The following ALOXE3 variants were observed in gnomAD, a reference collection of about 807,000 sequenced individuals.
ALOXE3 encodes hydroperoxide isomerase ALOXE3.
ALOXE3 carries 78 observed loss-of-function variants against 87.5 expected under a neutral mutation model. The ratio of observed to expected loss-of-function variants is 0.89; its 90% confidence interval spans 0.74 to 1.08. The LOEUF (loss-of-function observed/expected upper bound fraction) is 1.08. Ranked by LOEUF, ALOXE3 falls within the 50% of genes least tolerant of loss-of-function variation. ALOXE3 has a pLI of 0.00. For missense variants in ALOXE3, 946 were observed against 912.4 expected (o/e 1.04, Z -0.47); for synonymous variants, 363 against 370.8 (o/e 0.98, Z 0.24).
chr17:8,097,940 G>A (rs973343211), intron 15 of ALOXE3, among the ~76,000 whole-genome samples: 4 of 151,672 alleles, frequency 2.6e-5, no homozygotes, highest in African/African-American at 4.8e-5. Flanking sequence ...GTAGAGACAG[G>A]GTTTCACCGT....
At chr17:8,105,405 A>G (rs1979224130) in intron 13 of ALOXE3, among the ~76,000 whole-genome samples, 1 of 152,120 alleles carries the variant, frequency 6.6e-6, no homozygotes, top group South Asian at 2.1e-4. Flanking sequence ...ACCTCCCTGA[A>G]ATGATCTCTT....
At position 8,096,283 on chromosome 17, in the gene ALOXE3, G is replaced by A. The variant is rs556261209; in HGVS notation, c.*344C>T. 7.9e-5 allele frequency: 20 copies of A among 254,098 alleles called. 1 individual carries two copies. The highest frequency in any genetic ancestry group is 1.5e-4 in the Non-Finnish European group (20 of 131,312). The allele number at this position is 254,098 out of a possible 1,614,324, so 15.7% of individuals were successfully genotyped here. On this transcript the variant is annotated 3_prime_UTR_variant, in exon 16 of 16. Coordinates refer to ENST00000448843, the MANE Select transcript of ALOXE3 (RefSeq NM_021628.3). Reference sequence around the variant, plus strand: ...GGAGTTTGGGGATTGGGGAGGATGAGGGAGAAAAGCTCAGAAACCCAAGCT... The same window carrying A: ...GGAGTTTGGGGATTGGGGAGGATGAAGGAGAAAAGCTCAGAAACCCAAGCT...
chr17:8,117,578 G>T (rs1980708039), intron 2 of ALOXE3, among the ~76,000 whole-genome samples: 1 of 152,184 alleles, frequency 6.6e-6, no homozygotes, highest in Admixed American at 6.5e-5. Context: ...GAAGCGACTT[G>T]CCCAAAGCCC....
intron 9 of ALOXE3, 37 bp downstream of exon 9, chr17:8,110,348 C>G: frequency 1.2e-6 from 2 of 1,607,556 alleles, no homozygotes; most frequent in Non-Finnish European, 1.7e-6. Context: ...CGGTTAGCAC[C>G]TGAGCCCCCA....
chr17:8,109,839 G>A (rs1425458016), intron 11 of ALOXE3, 77 bp downstream of exon 11: 3 of 1,438,096 alleles, frequency 2.1e-6, no homozygotes, highest in African/African-American at 1.4e-5. Flanking sequence ...CTTGGGCGCA[G>A]AACAGGGCTT....
At chr17:8,105,703 G>A (rs1026981272) in intron 13 of ALOXE3, among the ~76,000 whole-genome samples, 1 of 152,066 alleles carries the variant, frequency 6.6e-6, no homozygotes, top group Non-Finnish European at 1.5e-5. Flanking sequence ...AGGAGTTTGA[G>A]ACCAGCCTGG....
chr17:8,115,858 G>C (rs755100904), intron 3 of ALOXE3, among the ~76,000 whole-genome samples, 170 bp from the exon 4 acceptor site: 7 of 152,236 alleles, frequency 4.6e-5, no homozygotes, highest in Non-Finnish European at 1.0e-4. Context: ...AGGGATTCAA[G>C]ACAGCTTCAC....
Position 8,104,151 on chromosome 17 carries a change from A to G in ALOXE3, c.1749T>C (p.Asn583=). The change falls in exon 14 of 16, where the codon AAT becomes AAC. Residue 583 remains asparagine (N), a synonymous_variant. Transcript: ENST00000448843. The part of the protein sequence containing the change: ...MVKFLTAIIF[N]CSAQHAAVNS... ...TGACAGCAGCGTGCTGGGCAGAGCAATTGAAGATGATTGCAGTGAGGAACT... is the reference window on the plus strand; with the variant it reads ...TGACAGCAGCGTGCTGGGCAGAGCAGTTGAAGATGATTGCAGTGAGGAACT... 6.2e-7 allele frequency: 1 copy of G among 1,613,942 alleles called. No individual in the cohort carries two copies. The highest frequency in any genetic ancestry group is 8.5e-7 in the Non-Finnish European group (1 of 1,179,972).
chr17:8,110,336 G>A (rs111777470), intron 9 of ALOXE3, 41 bp from the exon 10 acceptor site: 32 of 1,610,792 alleles, frequency 2.0e-5, no homozygotes, highest in African/African-American at 1.7e-4. Flanking sequence ...GCTCCGGGCT[G>A]GCGGTTAGCA....
In ALOXE3 at chr17:8,097,178, GGA is replaced by G. The variant is rs1414757676; in HGVS notation, c.1957-374_1957-373del. Reference sequence around the variant, plus strand: ...AAGGTCTCACTCTGTTGCCCAGGCTGGAGTACAGTGGTGTGATCATAGCCCAC... The same window carrying G: ...AAGGTCTCACTCTGTTGCCCAGGCTGGTACAGTGGTGTGATCATAGCCCAC... On this transcript the variant is annotated intron_variant, in intron 15 of 15. Coordinates refer to ENST00000448843, the MANE Select transcript of ALOXE3 (RefSeq NM_021628.3). Among the ~76,000 whole-genome samples, 20 of 152,210 alleles carry G rather than the reference GGA, an allele frequency of 1.3e-4. 1 individual carries two copies. The South Asian group carries it at 4.1e-3, about 32-fold the overall frequency.
chr17:8,111,713 C>T (rs1383875519), intron 7 of ALOXE3, among the ~76,000 whole-genome samples, 182 bp from the exon 8 acceptor site: 1 of 152,176 alleles, frequency 6.6e-6, no homozygotes, highest in East Asian at 1.9e-4. Flanking sequence ...GTGACTTGCA[C>T]AGCTGAGTGG....
intron 15 of ALOXE3, among the ~76,000 whole-genome samples, chr17:8,101,724 A>T (rs1978934842): frequency 6.6e-6 from 1 of 151,340 alleles, no homozygotes; most frequent in Admixed American, 6.6e-5. Context: ...GCATTTTTTT[A>T]CTTCCTGGGC....
At chr17:8,117,313 G>A (rs1980687663) in intron 2 of ALOXE3, among the ~76,000 whole-genome samples, 1 of 152,186 alleles carries the variant, frequency 6.6e-6, no homozygotes, top group Non-Finnish European at 1.5e-5. Flanking sequence ...CCAGCTACTT[G>A]GGAGGCTGAG....
intron 15 of ALOXE3, among the ~76,000 whole-genome samples, chr17:8,097,932 A>G (rs552021179): frequency 1.3e-5 from 2 of 151,596 alleles, no homozygotes; most frequent in South Asian, 4.2e-4. Flanking sequence ...TATTTTTAGT[A>G]GAGACAGGGT....
Position 8,109,182 on chromosome 17 carries a change from G to A in ALOXE3, c.1554C>T (p.Ala518=). Residue 518 remains alanine (A), a synonymous_variant, in exon 12 of 16, where the codon GCC becomes GCT. Coordinates refer to ENST00000448843, the MANE Select transcript of ALOXE3 (RefSeq NM_021628.3). ...CGCCCCGCACCTCGCACCTCTCAAT[G>A]GCCGCCCAGATCTTCAGGCCGTCGT... The part of the protein sequence containing the change: ...YRDDGLKIWA[A]IESFVSEIVG... 2 of 1,613,450 alleles carry A rather than the reference G, an allele frequency of 1.2e-6. No individual in the cohort carries two copies. Among genetic ancestry groups the A allele is most frequent in the Non-Finnish European group, 1.7e-6 (2 of 1,180,026 alleles).
Position 8,096,697 on chromosome 17 carries a change from CG to C in ALOXE3, c.2065del (p.Arg689GlyfsTer59). 1 of 1,600,246 alleles carries C rather than the reference CG, an allele frequency of 6.2e-7. No homozygotes were observed. The highest frequency in any genetic ancestry group is 2.2e-5 in the East Asian group (1 of 44,780). On this transcript the variant is annotated frameshift_variant, in exon 16 of 16. Transcript: ENST00000448843. LOFTEE classifies it high-confidence loss of function. ...GTAGGGCAGTGCCAGACCCTGGTTC[CG>C]CTCCTGGATGTCCCTTGAGATCTGG... ...LAQISRDIQERNQGLALPYTY... is the reference protein window; with the variant it reads ...LAQISRDIQEXNQGLALPYTY...
Position 8,096,574 on chromosome 17 carries a change from G to A in ALOXE3, c.*53C>T. 1.1e-6 allele frequency: 1 copy of A among 870,602 alleles called. No individual in the cohort carries two copies. The highest frequency in any genetic ancestry group is 2.0e-6 in the Non-Finnish European group (1 of 500,712). The allele number at this position is 870,602 out of a possible 1,614,324, so 53.9% of individuals were successfully genotyped here. On this transcript the variant is annotated 3_prime_UTR_variant, in exon 16 of 16. Coordinates refer to ENST00000448843, the MANE Select transcript of ALOXE3 (RefSeq NM_021628.3). ...AAGGGTCTGGAGGACCTGAGGAACT[G>A]GTCCTCCTCATGCTTGGACCTTTCT...
chr17:8,116,879 G>A lies in ALOXE3; in HGVS notation c.249C>T (p.Tyr83=), dbSNP rs182058027. 10 of 1,614,234 alleles carry A rather than the reference G, an allele frequency of 6.2e-6. No homozygotes were observed. The East Asian group carries it at 1.1e-4, about 18-fold the overall frequency. ...RYAFFRKDSW[Y]CSRICVTEPD... is the part of the protein sequence containing the mutation. ...GTTCGGTGACACAGATGCGGCTACA[G>A]TACCAAGAGTCCTTGCGGAAGAAAG... The change falls in exon 3 of 16, where the codon TAC becomes TAT. Residue 83 remains tyrosine, a synonymous_variant. Coordinates refer to ENST00000448843, the MANE Select transcript of ALOXE3 (RefSeq NM_021628.3).
intron 8 of ALOXE3, 71 bp downstream of exon 8, chr17:8,111,288 A>G (rs1980057964): frequency 6.3e-7 from 1 of 1,584,696 alleles, no homozygotes; most frequent in East Asian, 2.2e-5. Context: ...CCCTCCACAC[A>G]CATCCCTTGT....
Sources: allele counts gnomAD v4.1 joint callset (sites outside exome capture counted in the v4.1 genomes callset), GRCh38; gene constraint gnomAD v4.1.1; transcripts MANE v1.5; gene names NCBI Gene and HGNC (gene_info 2026-07-23, HGNC 2026-07-21).